Variants in GRIP2 observed in about 807,000 individuals in gnomAD.
GRIP2 encodes glutamate receptor-interacting protein 2.
In GRIP2, 58 loss-of-function variants were observed where a neutral mutation model predicts 108.3. The observed-to-expected ratio is 0.54, with a 90% CI of 0.43 to 0.67. GRIP2 has a LOEUF of 0.67. Among genes scored for constraint, GRIP2 ranks in the 30% least tolerant of loss-of-function variants. GRIP2 has a pLI of 0.00. For synonymous variants in GRIP2, 586 were observed against 598.2 expected (o/e 0.98, Z 0.30); for missense variants, 1,278 against 1,430.6 (o/e 0.89, Z 1.72).
intron 1 of GRIP2, among the ~76,000 whole-genome samples, chr3:14,529,254 G>A (rs1346629551): frequency 6.8e-6 from 1 of 147,368 alleles, no homozygotes; most frequent in Non-Finnish European, 1.5e-5. Flanking sequence ...ATTCCAGCCT[G>A]GGCGACAGAG....
At chr3:14,502,736 C>G (rs948311229) in intron 21 of GRIP2, among the ~76,000 whole-genome samples, 1 of 151,848 alleles carries the variant, frequency 6.6e-6, no homozygotes, top group African/African-American at 2.4e-5. Context: ...CACTAAGAAA[C>G]CATGAAAAGG....
intron 21 of GRIP2, 39 bp from the exon 22 acceptor site, chr3:14,496,599 C>T (rs766891407): frequency 1.3e-6 from 2 of 1,573,880 alleles, no homozygotes; most frequent in South Asian, 2.3e-5. Flanking sequence ...TGCTTGTTGG[C>T]TTGCCCCATC....
At chr3:14,558,376 G>A (rs1695268392), upstream of GRIP2, among the ~76,000 whole-genome samples, 1 of 152,156 alleles carries the variant, frequency 6.6e-6, no homozygotes, top group Non-Finnish European at 1.5e-5. Context: ...TGCGTTGCCT[G>A]GGGTTTTGCA....
In GRIP2 at chr3:14,507,484, G is replaced by T. The variant is rs759299865; in HGVS notation, c.2218+77C>A. 19 of 1,551,364 alleles carry T rather than the reference G, an allele frequency of 1.2e-5. No individual in the cohort carries two copies. The highest frequency in any genetic ancestry group is 1.5e-5 in the Non-Finnish European group (17 of 1,129,798). Reference sequence around the variant, plus strand: ...TGCAGTGAGGACTCTGTGAGGGTGTGCAGGCAAAGCCTGGCACAGAGGGAT... The same window carrying T: ...TGCAGTGAGGACTCTGTGAGGGTGTTCAGGCAAAGCCTGGCACAGAGGGAT... On this transcript the variant is annotated intron_variant, in intron 18 of 23. Coordinates refer to ENST00000621039, the MANE Select transcript of GRIP2 (RefSeq NM_001080423.4). This position sits in a 1 kb window ranked among gnomAD's most constrained non-coding sequence, Gnocchi z 4.6.
the GRIP2 span, among the ~76,000 whole-genome samples, chr3:14,585,922 T>A: frequency 6.6e-6 from 1 of 152,192 alleles, no homozygotes; most frequent in African/African-American, 2.4e-5. Flanking sequence ...GCCCCCCAGC[T>A]TAAAGCACAA....
In GRIP2 at chr3:14,524,433, C is replaced by T. The variant is rs780687690; in HGVS notation, c.363G>A (p.Glu121=). The T allele has an allele frequency of 2.5e-6, 4 of 1,607,844 alleles. No individual in the cohort carries two copies. Among genetic ancestry groups the T allele is most frequent in the Admixed American group, 1.7e-5 (1 of 59,284 alleles). The change falls in exon 4 of 24, where the codon GAG becomes GAA. Residue 121 remains glutamate (E), a synonymous_variant. Coordinates refer to ENST00000621039, the MANE Select transcript of GRIP2 (RefSeq NM_001080423.4). ...EIITLLKNVG[E]RVVLEVEYEL... is the part of the protein sequence containing the mutation. ...CATACTCCACCTCCAGCACCACGCGCTCGCCCACATTCTTGAGCAGGGTGA... is the reference window on the plus strand; with the variant it reads ...CATACTCCACCTCCAGCACCACGCGTTCGCCCACATTCTTGAGCAGGGTGA...
At chr3:14,556,072 C>T (rs1695233696) in exon 1 of GRIP2, 2 of 398,282 alleles carry the variant, frequency 5.0e-6, no homozygotes, top group African/African-American at 2.1e-5. Flanking sequence ...AGGCTGGGCG[C>T]TCCCTTCCTC....
upstream of GRIP2, among the ~76,000 whole-genome samples, chr3:14,558,849 T>C (rs900111198): frequency 2.0e-5 from 3 of 152,212 alleles, no homozygotes; most frequent in African/African-American, 7.2e-5. Flanking sequence ...TCCCTGACTA[T>C]GTGGCACTTC....
chr3:14,529,123 A>C (rs1294651184), intron 1 of GRIP2, among the ~76,000 whole-genome samples: 1 of 151,892 alleles, frequency 6.6e-6, no homozygotes, highest in Non-Finnish European at 1.5e-5. Flanking sequence ...ACAAAAAAAA[A>C]AAAAAATTAG....
the GRIP2 span, among the ~76,000 whole-genome samples, chr3:14,570,878 C>T: frequency 5.3e-5 from 8 of 152,160 alleles, no homozygotes; most frequent in Admixed American, 5.2e-4. Context: ...ATGAAGGAAA[C>T]TTTTATGTGA....
the GRIP2 span, among the ~76,000 whole-genome samples, chr3:14,585,562 C>T: frequency 6.6e-6 from 1 of 152,126 alleles, no homozygotes; most frequent in East Asian, 1.9e-4. Flanking sequence ...GCCACCTTGT[C>T]CTAGGGTGAC....
chr3:14,542,157 TTTTTA>T, upstream of GRIP2: 3 of 1,008,672 alleles, frequency 3.0e-6, no homozygotes, highest in Non-Finnish European at 3.9e-6. Context: ...TTTTTTATTT[TTTTTA>T]TTTTTTTTTG....
intron 23 of GRIP2, 56 bp downstream of exon 23, chr3:14,494,787 C>T (rs910079854): frequency 1.2e-5 from 19 of 1,558,352 alleles, no homozygotes; most frequent in South Asian, 3.6e-5. Context: ...TCTTTCCCCA[C>T]CCTCAGGCTA....
At chr3:14,571,946 G>A in the GRIP2 span, among the ~76,000 whole-genome samples, 2 of 152,314 alleles carry the variant, frequency 1.3e-5, no homozygotes, top group African/African-American at 2.4e-5. Context: ...ACTCTCAGAC[G>A]CTGCTGGTGG....
chr3:14,502,280 G>T (rs1273923555), intron 21 of GRIP2, among the ~76,000 whole-genome samples: 2 of 152,212 alleles, frequency 1.3e-5, no homozygotes, highest in Non-Finnish European at 2.9e-5. Context: ...ATCACTTGAG[G>T]CCAGAAGTTC....
intron 11 of GRIP2, among the ~76,000 whole-genome samples, chr3:14,515,470 T>C (rs1483164652): frequency 6.6e-6 from 1 of 152,152 alleles, no homozygotes; most frequent in Non-Finnish European, 1.5e-5. Context: ...TTTGCATCAT[T>C]AATATGAATC....
chr3:14,517,892 C>G lies in GRIP2; in HGVS notation c.1036G>C (p.Val346Leu). The change falls in exon 10 of 24, where the codon GTG becomes CTG. Residue 346 changes from valine (V) to leucine (L), a missense_variant. By Grantham distance (32) the Val-to-Leu change is conservative. Coordinates refer to ENST00000621039, the MANE Select transcript of GRIP2 (RefSeq NM_001080423.4). The stretch of plus-strand genomic sequence containing the variant: ...CGGTGCAGCTGCTCACTCCTCTGCA[C>G]TTTCACTGTAGCCAGCGGAGAAAGA... ...RPLRPSEAVK[V>L]QRSEQLHRWD... is the part of the protein sequence containing the mutation. The G allele has an allele frequency of 6.4e-7, 1 of 1,565,810 alleles. No homozygotes were observed. The highest frequency in any genetic ancestry group is 8.7e-7 in the Non-Finnish European group (1 of 1,154,754).
At chr3:14,504,861 C>T (rs1037294765) in intron 20 of GRIP2, among the ~76,000 whole-genome samples, 2 of 152,178 alleles carry the variant, frequency 1.3e-5, no homozygotes, top group Non-Finnish European at 2.9e-5. Flanking sequence ...TATGTCTGAG[C>T]ACCTACTAGG....
rs779644095 is a variant in GRIP2 at position 14,517,068 on chromosome 3, G to A, written c.1302C>T (p.Ser434=). ...RRRQRRREHK[S]SLSLASSTVG... is the part of the protein sequence containing the mutation. ...AGGGAAGAGACCACAGCTTACACGA[G>A]CTCTTGTGTTCCCTTCTTCGCTGCC... Residue 434 remains serine (S), a synonymous_variant, in exon 11 of 24, where the codon AGC becomes AGT. Coordinates refer to ENST00000621039, the MANE Select transcript of GRIP2 (RefSeq NM_001080423.4). 10 of 1,564,408 alleles carry A rather than the reference G, an allele frequency of 6.4e-6. No homozygotes were observed. Among genetic ancestry groups the A allele is most frequent in the Non-Finnish European group, 6.9e-6 (8 of 1,156,216 alleles).
Sources: gnomAD v4.1 joint callset for allele counts (sites outside exome capture counted in the v4.1 genomes callset) on GRCh38, gnomAD v4.1.1 for gene constraint, Gnocchi (gnomAD v3.1) non-coding constraint, MANE v1.5 for transcripts, NCBI Gene and HGNC (gene_info 2026-07-23, HGNC 2026-07-21) for gene names.